The following KIAA1217 variants were observed in gnomAD, a reference collection of about 807,000 sequenced individuals.
The protein encoded by KIAA1217 is KIAA1217.
A neutral mutation model predicts 163.9 loss-of-function variants in KIAA1217; 88 were observed. The ratio of observed to expected loss-of-function variants is 0.54; its 90% confidence interval spans 0.45 to 0.64. KIAA1217 has a LOEUF of 0.64. Among genes scored for constraint, KIAA1217 ranks in the 30% least tolerant of loss-of-function variants. The pLI, the probability that KIAA1217 is intolerant of heterozygous loss-of-function variation, is 0.00. For synonymous variants in KIAA1217, 903 were observed against 923.1 expected (o/e 0.98, Z 0.39); for missense variants, 2,372 against 2,475.0 (o/e 0.96, Z 0.88).
At chr10:24,300,094 T>C (rs1022993228) in intron 2 of KIAA1217, among the ~76,000 whole-genome samples, 4 of 152,192 alleles carry the variant, frequency 2.6e-5, no homozygotes, top group Admixed American at 6.5e-5. Context: ...CGAGGCTACG[T>C]ACAGAGAGAT....
intron 2 of KIAA1217, among the ~76,000 whole-genome samples, chr10:24,092,928 T>TTGTG (rs72267704): frequency 0.021 from 2,904 of 141,020 alleles, 146 homozygotes; most frequent in African/African-American, 0.074. Flanking sequence ...TGTGTGTGTG[T>TTGTG]TGTGTGTGTG....
chr10:23,696,536 C>T (rs1836054960), intron 1 of KIAA1217, among the ~76,000 whole-genome samples: 1 of 152,184 alleles, frequency 6.6e-6, no homozygotes, highest in Non-Finnish European at 1.5e-5. Context: ...TCACTCCATC[C>T]CTCCCATACA....
chr10:24,389,934 T>C (rs1230678359), intron 3 of KIAA1217, among the ~76,000 whole-genome samples: 1 of 152,082 alleles, frequency 6.6e-6, no homozygotes, highest in Non-Finnish European at 1.5e-5. Flanking sequence ...GAAGTGAAGG[T>C]GAGGCCCAAC....
intron 16 of KIAA1217, among the ~76,000 whole-genome samples, chr10:24,535,749 C>G (rs1276900026): frequency 6.6e-6 from 1 of 152,030 alleles, no homozygotes; most frequent in Non-Finnish European, 1.5e-5. Context: ...TGCACTCCAG[C>G]GTGGGCGACA....
chr10:24,545,749 GGCTGT>G (rs1188687914), intron 20 of KIAA1217, 73 bp from the exon 21 acceptor site: 2 of 1,524,348 alleles, frequency 1.3e-6, no homozygotes, highest in African/African-American at 2.8e-5. Flanking sequence ...TTCTCAGAAG[GGCTGT>G]GTTGCCAGGC....
intron 1 of KIAA1217, among the ~76,000 whole-genome samples, chr10:23,730,369 T>C (rs1838408663): frequency 6.6e-6 from 1 of 152,228 alleles, no homozygotes; most frequent in East Asian, 1.9e-4. Flanking sequence ...GTTTTATTAA[T>C]CTATTTGTCT....
At chr10:24,073,940 C>A (rs2061278314) in intron 2 of KIAA1217, among the ~76,000 whole-genome samples, 1 of 152,036 alleles carries the variant, frequency 6.6e-6, no homozygotes, top group Admixed American at 6.5e-5. Context: ...TTCACTGCTT[C>A]TTTCAACTCT....
At chr10:24,382,018 T>A (rs1047887736) in intron 3 of KIAA1217, among the ~76,000 whole-genome samples, 1 of 121,594 alleles carries the variant, frequency 8.2e-6, no homozygotes, top group Non-Finnish European at 1.6e-5. Flanking sequence ...TATCATTTCC[T>A]TTTTTTTTTT....
At chr10:23,923,199 G>A (rs528902391) in intron 1 of KIAA1217, among the ~76,000 whole-genome samples, 2 of 152,126 alleles carry the variant, frequency 1.3e-5, no homozygotes, top group Non-Finnish European at 2.9e-5. Context: ...CAATGTTTGG[G>A]TTTCCATTCC....
At chr10:24,188,100 G>A (rs1472795311) in intron 2 of KIAA1217, among the ~76,000 whole-genome samples, 1 of 152,144 alleles carries the variant, frequency 6.6e-6, no homozygotes, top group Non-Finnish European at 1.5e-5. Context: ...AGGAGGCTGA[G>A]TCAGGAGAAT....
intron 1 of KIAA1217, among the ~76,000 whole-genome samples, chr10:23,703,517 A>C (rs1236824049): frequency 6.6e-6 from 1 of 152,166 alleles, no homozygotes; most frequent in Non-Finnish European, 1.5e-5. Flanking sequence ...AGGGGGAAAA[A>C]AGCCCTGATT....
At chr10:24,251,239 T>G (rs905899563) in intron 2 of KIAA1217, among the ~76,000 whole-genome samples, 1 of 151,228 alleles carries the variant, frequency 6.6e-6, no homozygotes, top group Non-Finnish European at 1.5e-5. Context: ...AAAATTAAAT[T>G]AAAATTAAAA....
At chr10:23,875,405 G>A (rs919553794) in intron 1 of KIAA1217, among the ~76,000 whole-genome samples, 4 of 151,932 alleles carry the variant, frequency 2.6e-5, no homozygotes, top group African/African-American at 9.7e-5. Context: ...GGCTGGTTGT[G>A]TTCCAGGATA....
intron 2 of KIAA1217, among the ~76,000 whole-genome samples, chr10:24,147,859 A>AG (rs1300019886): frequency 2.3e-4 from 33 of 146,082 alleles, no homozygotes; most frequent in Non-Finnish European, 3.7e-4. Flanking sequence ...AAAAAAAAAA[A>AG]AAAGAAAGAA....
intron 2 of KIAA1217, among the ~76,000 whole-genome samples, chr10:24,126,995 C>A (rs1477131184): frequency 1.3e-5 from 2 of 151,902 alleles, no homozygotes; most frequent in African/African-American, 2.4e-5. Flanking sequence ...TTTGCAAGTC[C>A]AATAAAACAC....
intron 3 of KIAA1217, among the ~76,000 whole-genome samples, chr10:24,397,807 A>G (rs149202987): frequency 6.1e-4 from 93 of 152,266 alleles, no homozygotes; most frequent in African/African-American, 2.1e-3. Flanking sequence ...ATTCCATCCT[A>G]TCCAGTGCCA....
At chr10:24,318,744 A>G (rs552896234) in intron 2 of KIAA1217, among the ~76,000 whole-genome samples, 3 of 152,174 alleles carry the variant, frequency 2.0e-5, no homozygotes, top group African/African-American at 4.8e-5. Context: ...CAGTACTGGC[A>G]TTTTAATCCC....
At chr10:24,381,286 A>T (rs2053263330) in intron 3 of KIAA1217, among the ~76,000 whole-genome samples, 1 of 152,148 alleles carries the variant, frequency 6.6e-6, no homozygotes, top group Non-Finnish European at 1.5e-5. Context: ...CACTTTCAGA[A>T]GTGGTTGGGA....
intron 2 of KIAA1217, among the ~76,000 whole-genome samples, chr10:24,195,765 A>C (rs2066955286): frequency 6.6e-6 from 1 of 152,204 alleles, no homozygotes; most frequent in Non-Finnish European, 1.5e-5. Flanking sequence ...AAGGGAACTT[A>C]GGAAAGGTTT....
Sources: gnomAD v4.1 joint callset for allele counts (sites outside exome capture counted in the v4.1 genomes callset) on GRCh38, gnomAD v4.1.1 for gene constraint, MANE v1.5 for transcripts, NCBI Gene and HGNC (gene_info 2026-07-23, HGNC 2026-07-21) for gene names.